Variants in GRIA1 observed in about 807,000 individuals in gnomAD.
The protein encoded by GRIA1 is glutamate receptor 1.
A neutral mutation model predicts 99.2 loss-of-function variants in GRIA1; 31 were observed. That is an observed-to-expected ratio of 0.31 (90% CI 0.23 to 0.42). GRIA1 has a LOEUF of 0.42. GRIA1 is among the 10% of genes least tolerant of loss of function. The pLI is 1.00. For missense variants in GRIA1, 782 were observed against 1,157.5 expected (o/e 0.68, Z 4.71); for synonymous variants, 438 against 432.4 (o/e 1.01, Z -0.16).
At position 153,813,397 on chromosome 5, in the gene GRIA1, A is replaced by G. The variant is rs1203762650; in HGVS notation, c.*2172A>G. 4 of 152,222 alleles carry G rather than the reference A, an allele frequency of 2.6e-5. No individual in the cohort carries two copies. The highest frequency in any genetic ancestry group is 4.4e-5 in the Non-Finnish European group (3 of 68,046). The allele number at this position is 152,222 out of a possible 1,614,324, so 9.4% of individuals were successfully genotyped here. A position where few individuals can be genotyped will look rare whatever the true frequency, so the allele number is the denominator to read the frequency against. ...GGCCTAGTAAGATGCCTCTCCAGCTACTGAGCCCACAAGTAACATGAGCGG... is the reference window on the plus strand; with the variant it reads ...GGCCTAGTAAGATGCCTCTCCAGCTGCTGAGCCCACAAGTAACATGAGCGG... On this transcript the variant is annotated 3_prime_UTR_variant, in exon 16 of 16. Transcript: ENST00000285900.
Position 153,616,867 on chromosome 5 carries a change from C to G in GRIA1, c.221-30061C>G, listed in dbSNP as rs60429200. ...TGTGAGCCTTGGAAAGTTATTCTCTCTTCACTTCAGTGTTTTCATCCTTAT... is the reference window on the plus strand; with the variant it reads ...TGTGAGCCTTGGAAAGTTATTCTCTGTTCACTTCAGTGTTTTCATCCTTAT... On this transcript the variant is annotated intron_variant, in intron 2 of 15. Coordinates refer to ENST00000285900, the MANE Select transcript of GRIA1 (RefSeq NM_000827.4). Among the ~76,000 whole-genome samples, 543 of 152,294 alleles carry G rather than the reference C, an allele frequency of 3.6e-3. 4 individuals carry two copies. Among genetic ancestry groups the G allele is most frequent in the African/African-American group, 0.012 (479 of 41,552 alleles).
Position 153,706,057 on chromosome 5 carries a change from A to G in GRIA1, c.1813A>G (p.Ile605Val), listed in dbSNP as rs1485768016. The G allele has an allele frequency of 3.1e-6, 5 of 1,613,744 alleles. No individual in the cohort carries two copies. Among genetic ancestry groups the G allele is most frequent in the Non-Finnish European group, 3.4e-6 (4 of 1,179,848 alleles). Residue 605 changes from isoleucine (I) to valine (V), a missense_variant, in exon 11 of 16, where the codon ATT becomes GTT. By Grantham distance (29) the Ile-to-Val change is conservative. Around this residue, in one of 5 missense-constraint regions of GRIA1, gnomAD observed 119 missense variants for 326.6 expected, o/e 0.36. Transcript: ENST00000285900. Reference sequence around the variant, plus strand: ...AGCCTTCATGCAGCAAGGATGTGACATTTCTCCCAGGTCAGTCAGCTCTTC... The same window carrying G: ...AGCCTTCATGCAGCAAGGATGTGACGTTTCTCCCAGGTCAGTCAGCTCTTC... ...LGAFMQQGCD[I>V]SPRSLSGRIV...
chr5:153,736,404 C>A (rs535041000), intron 11 of GRIA1, among the ~76,000 whole-genome samples: 69 of 152,254 alleles, frequency 4.5e-4, no homozygotes, highest in African/African-American at 1.6e-3. Context: ...CAACTGAAAA[C>A]TTTAATTAAA....
At chr5:153,800,833 C>T (rs946486682) in intron 14 of GRIA1, among the ~76,000 whole-genome samples, 11 of 152,312 alleles carry the variant, frequency 7.2e-5, no homozygotes, top group Non-Finnish European at 1.3e-4. Context: ...AATAGGCAGA[C>T]GTCAGTCGAA....
chr5:153,800,963 T>C (rs2149670512), intron 14 of GRIA1, among the ~76,000 whole-genome samples: 1 of 152,362 alleles, frequency 6.6e-6, no homozygotes, highest in East Asian at 1.9e-4. Flanking sequence ...TAGCCAACGA[T>C]GGTGTGTACC....
intron 2 of GRIA1, among the ~76,000 whole-genome samples, chr5:153,596,822 A>G (rs1378144465): frequency 6.6e-6 from 1 of 152,246 alleles, no homozygotes; most frequent in African/African-American, 2.4e-5. Context: ...ATTCTGCACC[A>G]CTAATCTTTG....
intron 12 of GRIA1, among the ~76,000 whole-genome samples, chr5:153,768,838 G>A (rs868620833): frequency 3.9e-5 from 6 of 152,144 alleles, no homozygotes; most frequent in Non-Finnish European, 8.8e-5. Context: ...AAAGTAGTCC[G>A]TTACATGTAT....
intron 2 of GRIA1, among the ~76,000 whole-genome samples, chr5:153,572,175 T>C (rs1762167124): frequency 6.6e-6 from 1 of 152,172 alleles, no homozygotes; most frequent in African/African-American, 2.4e-5. Context: ...GTCACACACT[T>C]GGGGTATGAG....
chr5:153,804,832 A>G (rs886146915), intron 15 of GRIA1, among the ~76,000 whole-genome samples: 2 of 151,806 alleles, frequency 1.3e-5, no homozygotes, highest in Admixed American at 1.3e-4. Context: ...GCTCACTGCA[A>G]CCTCCATCTC....
chr5:153,492,095 A>T, intron 1 of GRIA1: 3 of 1,389,000 alleles, frequency 2.2e-6, no homozygotes, highest in Non-Finnish European at 2.8e-6. Context: ...CCTGGTAGGG[A>T]GATAGCTCCA....
At position 153,598,463 on chromosome 5, in the gene GRIA1, A is replaced by C. The variant is rs996966245; in HGVS notation, c.221-48465A>C. 3.3e-5 allele frequency among the ~76,000 whole-genome samples: 5 copies of C among 152,182 alleles called. No individual in the cohort carries two copies. In the East Asian group the frequency reaches 9.6e-4, roughly 29 times the overall value. Reference sequence around the variant, plus strand: ...CAATCCATTTGCAGTTACACAGGGGAAAAAGTAAGAAAAATATAATAGATA... The same window carrying C: ...CAATCCATTTGCAGTTACACAGGGGCAAAAGTAAGAAAAATATAATAGATA... On this transcript the variant is annotated intron_variant, in intron 2 of 15. Transcript: ENST00000285900.
intron 2 of GRIA1, among the ~76,000 whole-genome samples, chr5:153,547,250 C>G (rs1426861886): frequency 6.6e-6 from 1 of 152,082 alleles, no homozygotes; most frequent in Non-Finnish European, 1.5e-5. Flanking sequence ...CTTCTTCTTT[C>G]AATGCAGCCC....
intron 2 of GRIA1, among the ~76,000 whole-genome samples, chr5:153,579,406 C>T (rs1762851993): frequency 6.6e-6 from 1 of 151,976 alleles, no homozygotes. Context: ...TAAAAATATC[C>T]AGAGATAATA....
At chr5:153,726,992 A>G (rs1412926059) in intron 11 of GRIA1, among the ~76,000 whole-genome samples, 10 of 152,222 alleles carry the variant, frequency 6.6e-5, no homozygotes, top group African/African-American at 2.4e-4. Flanking sequence ...CCTCAATAAA[A>G]TATTGGCAAA....
chr5:153,545,249 G>C (rs1353083), intron 2 of GRIA1, among the ~76,000 whole-genome samples: 1 of 152,192 alleles, frequency 6.6e-6, no homozygotes, highest in Non-Finnish European at 1.5e-5. Context: ...TTGCAAAATT[G>C]AGGGAGAACG....
intron 2 of GRIA1, among the ~76,000 whole-genome samples, chr5:153,504,309 G>C (rs1255470510): frequency 6.6e-6 from 1 of 150,658 alleles, no homozygotes; most frequent in East Asian, 1.9e-4. Context: ...ATGCTTGAGA[G>C]GCAAAATAGA....
rs148104569 is a variant in GRIA1 at position 153,663,269 on chromosome 5, G to GT, written c.699+7398dup. 3.3e-3 allele frequency among the ~76,000 whole-genome samples: 505 copies of GT among 152,316 alleles called. 4 individuals are homozygous for GT. Among genetic ancestry groups the GT allele is most frequent in the African/African-American group, 0.011 (467 of 41,580 alleles). On this transcript the variant is annotated intron_variant, in intron 5 of 15. Transcript: ENST00000285900. ...AAGTTGTTGAAAAACCTTTTGTAAAGTCATTTGACTAAAACTGGAATTCAA... is the reference window on the plus strand; with the variant it reads ...AAGTTGTTGAAAAACCTTTTGTAAAGTTCATTTGACTAAAACTGGAATTCAA...
At chr5:153,777,983 G>A (rs1188368596) in intron 13 of GRIA1, among the ~76,000 whole-genome samples, 1 of 152,174 alleles carries the variant, frequency 6.6e-6, no homozygotes, top group African/African-American at 2.4e-5. Context: ...CTGTGACCCA[G>A]GTCGGGCCTG....
intron 2 of GRIA1, among the ~76,000 whole-genome samples, chr5:153,505,150 G>A (rs1230240828): frequency 6.6e-6 from 1 of 152,154 alleles, no homozygotes; most frequent in African/African-American, 2.4e-5. Flanking sequence ...CTTTTACATA[G>A]GTCATGGATT....
Sources: gnomAD v4.1 joint callset for allele counts (sites outside exome capture counted in the v4.1 genomes callset) on GRCh38, gnomAD v4.1.1 for gene constraint, gnomAD v4.1.1 regional missense constraint, MANE v1.5 for transcripts, NCBI Gene and HGNC (gene_info 2026-07-23, HGNC 2026-07-21) for gene names.